The following RIF1 variants were observed in gnomAD, a reference collection of about 807,000 sequenced individuals.
The protein encoded by RIF1 is replication timing regulatory factor 1.
RIF1 carries 45 observed loss-of-function variants against 247.1 expected under a neutral mutation model. The ratio of observed to expected loss-of-function variants is 0.18; its 90% CI spans 0.14 to 0.23. RIF1 has a LOEUF of 0.23. RIF1 is among the 10% of genes least tolerant of loss of function. RIF1 has a pLI of 1.00. For synonymous variants in RIF1, 1,087 were observed against 978.8 expected (o/e 1.11, Z -2.06); for missense variants, 2,967 against 2,862.5 (o/e 1.04, Z -0.83).
In RIF1 at chr2:151,481,098, G is replaced by T. The variant is rs1222980694; in HGVS notation, c.*6027G>T. On this transcript the variant is annotated 3_prime_UTR_variant, in exon 36 of 36. Transcript: ENST00000444746. The stretch of plus-strand genomic sequence containing the variant: ...CCTGGTACAGTGGCTGAGTTTAGTA[G>T]TATAGCAGAGTCTGTATGGCTTCCA... The T allele has an allele frequency of 6.6e-6, 1 of 152,220 alleles. No individual in the cohort carries two copies. Among genetic ancestry groups the T allele is most frequent in the East Asian group, 1.9e-4 (1 of 5,204 alleles). 9.4% of individuals were successfully genotyped at this position (152,220 alleles called of 1,614,324 possible). A position where few individuals can be genotyped will look rare whatever the true frequency, so the allele number is the denominator to read the frequency against.
intron 25 of RIF1, among the ~76,000 whole-genome samples, chr2:151,459,690 A>G (rs559757357): frequency 1.7e-4 from 26 of 152,272 alleles, no homozygotes; most frequent in South Asian, 6.2e-4. Flanking sequence ...TCTTAGAAAT[A>G]TTTTCAGTTA....
intron 9 of RIF1, among the ~76,000 whole-genome samples, chr2:151,488,593 C>T (rs1438526044): frequency 6.6e-6 from 1 of 152,014 alleles, no homozygotes; most frequent in Non-Finnish European, 1.5e-5. Flanking sequence ...CTGCAGCGAG[C>T]TGTGATCATG....
In RIF1 at chr2:151,464,247, G is replaced by A. The variant is rs2152500534; in HGVS notation, c.4727G>A (p.Ser1576Asn). The change falls in exon 30 of 36, where the codon AGC becomes AAC. Residue 1576 changes from serine (S) to asparagine (N), a missense_variant. Physicochemically the swap from Ser to Asn is conservative, Grantham distance 46. Transcript: ENST00000444746. ...AGATCTGGAAAATGGAAAAACAAAA[G>A]CAATGAAAGTGTTGACATTCAAGAT... is the stretch of plus-strand genomic sequence containing the variant. ...KKRSGKWKNK[S>N]NESVDIQDQE... 1 of 1,613,882 alleles carries A rather than the reference G, an allele frequency of 6.2e-7. No individual in the cohort carries two copies. The highest frequency in any genetic ancestry group is 1.3e-5 in the African/African-American group (1 of 75,028).
chr2:151,474,244 T>G (rs2048802392), intron 35 of RIF1, among the ~76,000 whole-genome samples, 172 bp downstream of exon 35: 1 of 152,242 alleles, frequency 6.6e-6, no homozygotes, highest in South Asian at 2.1e-4. Context: ...TCTACTTGTT[T>G]TTCTTGTCAA....
chr2:151,471,363 C>G (rs1697796623), intron 34 of RIF1, among the ~76,000 whole-genome samples: 1 of 152,158 alleles, frequency 6.6e-6, no homozygotes, highest in Non-Finnish European at 1.5e-5. Flanking sequence ...TGCAGAAGCT[C>G]TTTAGTTTAG....
rs2049059781 is a variant in RIF1 at position 151,479,016 on chromosome 2, T to G, written c.*3945T>G. The G allele has an allele frequency of 6.6e-6, 1 of 152,196 alleles. No homozygotes were observed. Among genetic ancestry groups the G allele is most frequent in the African/African-American group, 2.4e-5 (1 of 41,430 alleles). 9.4% of individuals were successfully genotyped at this position (152,196 alleles called of 1,614,324 possible). On this transcript the variant is annotated 3_prime_UTR_variant, in exon 36 of 36. Transcript: ENST00000444746. ...TTTTTAACATAGTACTCTCAAACTTTGATGTGCATATGAACAAGTGGATTC... is the reference window on the plus strand; with the variant it reads ...TTTTTAACATAGTACTCTCAAACTTGGATGTGCATATGAACAAGTGGATTC...
chr2:151,467,457 G>C (rs1056968199), intron 30 of RIF1, among the ~76,000 whole-genome samples: 1 of 151,790 alleles, frequency 6.6e-6, no homozygotes, highest in African/African-American at 2.4e-5. Flanking sequence ...CGATTCTCCT[G>C]CCTCAGCCTC....
the RIF1 span, chr2:151,519,912 G>C: frequency 3.6e-6 from 2 of 560,068 alleles, no homozygotes; most frequent in African/African-American, 3.8e-5. Context: ...GACATTTAGA[G>C]TAAAGAAGAC....
chr2:151,422,410 G>T (rs1204314884), intron 7 of RIF1, among the ~76,000 whole-genome samples: 1 of 152,074 alleles, frequency 6.6e-6, no homozygotes, highest in East Asian at 1.9e-4. Flanking sequence ...AGTGTTAATG[G>T]TAGAATCTGA....
intron 15 of RIF1, among the ~76,000 whole-genome samples, chr2:151,441,638 G>A (rs942685395): frequency 1.3e-4 from 20 of 152,152 alleles, no homozygotes; most frequent in African/African-American, 4.8e-4. Flanking sequence ...AGAAGGTCTA[G>A]GAAAATAGAC....
Position 151,428,859 on chromosome 2 carries a change from A to G in RIF1, c.862A>G (p.Met288Val), listed in dbSNP as rs1477394583. 1.3e-6 allele frequency: 2 copies of G among 1,550,080 alleles called. No individual in the cohort carries two copies. The highest frequency in any genetic ancestry group is 1.8e-6 in the Non-Finnish European group (2 of 1,121,964). The change falls in exon 9 of 36, where the codon ATG becomes GTG. Residue 288 changes from methionine to valine, a missense_variant. Coordinates refer to ENST00000444746, the MANE Select transcript of RIF1 (RefSeq NM_018151.5). Reference sequence around the variant, plus strand: ...ACTTGGATTTCGTAGTGGAGCACCCATGATTAAAAAGATAGCTTTTATTGC... The same window carrying G: ...ACTTGGATTTCGTAGTGGAGCACCCGTGATTAAAAAGATAGCTTTTATTGC... ...EELGFRSGAP[M>V]IKKIAFIAWK...
At chr2:151,411,560 C>G (rs1686236562) in intron 3 of RIF1, among the ~76,000 whole-genome samples, 1 of 151,976 alleles carries the variant, frequency 6.6e-6, no homozygotes, top group Non-Finnish European at 1.5e-5. Flanking sequence ...CCGCCACCGC[C>G]CCGGCTAATT....
chr2:151,504,844 C>T (rs2067521413), intron 12 of RIF1, among the ~76,000 whole-genome samples: 1 of 152,096 alleles, frequency 6.6e-6, no homozygotes, highest in African/African-American at 2.4e-5. Flanking sequence ...ATAAACTGCA[C>T]AGGTGCCTGA....
At chr2:151,484,433 TGAA>T (rs1343794663), downstream of RIF1, among the ~76,000 whole-genome samples, 1 of 152,208 alleles carries the variant, frequency 6.6e-6, no homozygotes, top group Non-Finnish European at 1.5e-5. Context: ...CTGTCTGTAC[TGAA>T]AATACAAACA....
chr2:151,492,004 C>T (rs1482820707), intron 9 of RIF1: 1 of 1,322,168 alleles, frequency 7.6e-7, no homozygotes. Context: ...AGATTGAAGT[C>T]CTTTATGTTT....
intron 20 of RIF1, among the ~76,000 whole-genome samples, chr2:151,447,577 A>ACT (rs1422656758): frequency 6.6e-6 from 1 of 151,810 alleles, no homozygotes; most frequent in South Asian, 2.1e-4. Flanking sequence ...ACAGAGTCTC[A>ACT]CTCTGCTGCG....
At chr2:151,523,780 A>C in the RIF1 span, among the ~76,000 whole-genome samples, 3 of 152,360 alleles carry the variant, frequency 2.0e-5, no homozygotes, top group Non-Finnish European at 4.4e-5. Flanking sequence ...TACCCTGATC[A>C]AACACTTGCC....
chr2:151,497,024 T>G (rs780767945), intron 10 of RIF1: 3 of 1,569,970 alleles, frequency 1.9e-6, no homozygotes, highest in East Asian at 2.3e-5. Flanking sequence ...ATGTTTTCTT[T>G]GTATAACACC....
intron 10 of RIF1, among the ~76,000 whole-genome samples, chr2:151,434,291 C>G (rs1479754764): frequency 6.6e-6 from 1 of 151,926 alleles, no homozygotes; most frequent in East Asian, 1.9e-4. Flanking sequence ...TGACTGAATC[C>G]TATTTATAGG....
Sources: allele counts gnomAD v4.1 joint callset (sites outside exome capture counted in the v4.1 genomes callset), GRCh38; gene constraint gnomAD v4.1.1; transcripts MANE v1.5; gene names NCBI Gene and HGNC (gene_info 2026-07-23, HGNC 2026-07-21).